Variants in ALK observed in about 807,000 individuals in gnomAD.
ALK encodes the protein ALK receptor tyrosine kinase.
In ALK, 74 loss-of-function variants were observed where a neutral mutation model predicts 163.1. That is an observed-to-expected ratio of 0.45 (90% confidence interval 0.38 to 0.55). The LOEUF (loss-of-function observed/expected upper bound fraction) is 0.55, where lower values mean the gene tolerates loss of function less well. Ranked by LOEUF, ALK falls within the 20% of genes least tolerant of loss-of-function variation. The pLI, the probability that ALK is intolerant of heterozygous loss-of-function variation, is 0.00. For missense variants in ALK, 2,063 were observed against 2,105.3 expected (o/e 0.98, Z 0.39); for synonymous variants, 960 against 843.2 (o/e 1.14, Z -2.40).
At chr2:29,866,866 G>A (rs111366017) in intron 1 of ALK, among the ~76,000 whole-genome samples, 19 of 152,140 alleles carry the variant, frequency 1.2e-4, no homozygotes, top group Admixed American at 9.2e-4. Flanking sequence ...TGGGCCTCTC[G>A]GTTCCCTCCC....
chr2:29,310,483 G>A (rs1041908494), intron 8 of ALK, among the ~76,000 whole-genome samples: 1 of 152,176 alleles, frequency 6.6e-6, no homozygotes, highest in African/African-American at 2.4e-5. Context: ...GGTGTTCGAA[G>A]GCCCTCATTA....
At chr2:29,331,250 CT>C (rs1347394617) in intron 5 of ALK, among the ~76,000 whole-genome samples, 2 of 152,212 alleles carry the variant, frequency 1.3e-5, no homozygotes, top group African/African-American at 4.8e-5. Flanking sequence ...CCCCAGATAA[CT>C]TATAGATTCT....
intron 24 of ALK, 21 bp downstream of exon 24, chr2:29,213,963 A>G: frequency 6.3e-7 from 1 of 1,596,474 alleles, no homozygotes. Flanking sequence ...TGACAGGAAG[A>G]GCACAGTCAC....
At chr2:29,656,326 C>A (rs1573532338) in intron 3 of ALK, among the ~76,000 whole-genome samples, 5 of 152,084 alleles carry the variant, frequency 3.3e-5, no homozygotes, top group Admixed American at 3.3e-4. Context: ...CTCTAATATT[C>A]TATGAATAAT....
At chr2:29,554,118 C>A (rs187245547) in intron 3 of ALK, among the ~76,000 whole-genome samples, 1 of 152,246 alleles carries the variant, frequency 6.6e-6, no homozygotes, top group Admixed American at 6.5e-5. Context: ...TCTGTAATAG[C>A]TTTCCATAGT....
At chr2:29,717,436 A>C in intron 2 of ALK, 142 bp downstream of exon 2, 1 of 987,240 alleles carries the variant, frequency 1.0e-6, no homozygotes, top group Non-Finnish European at 1.6e-6. Context: ...ACTGGGAGAC[A>C]GAGGGCTCAG....
intron 3 of ALK, among the ~76,000 whole-genome samples, chr2:29,562,539 C>T (rs934560560): frequency 1.3e-5 from 2 of 152,168 alleles, no homozygotes; most frequent in African/African-American, 4.8e-5. Context: ...AGGACAATTA[C>T]ATTCCTTGAT....
At chr2:29,692,266 C>T (rs1374038211) in intron 3 of ALK, among the ~76,000 whole-genome samples, 1 of 152,136 alleles carries the variant, frequency 6.6e-6, no homozygotes, top group Non-Finnish European at 1.5e-5. Flanking sequence ...CAATATATTA[C>T]TAGAGGGAGT....
chr2:29,362,459 G>T (rs529303272), intron 5 of ALK, among the ~76,000 whole-genome samples: 3 of 152,206 alleles, frequency 2.0e-5, no homozygotes, highest in Non-Finnish European at 4.4e-5. Flanking sequence ...GTGACAAGGT[G>T]TGGAAAGACC....
In ALK at chr2:29,831,192, G is replaced by A. The variant is rs1177279378; in HGVS notation, c.667+88801C>T. On this transcript the variant is annotated intron_variant, in intron 1 of 28. Transcript: ENST00000389048. ...GAGGAAGAGGAAGGGGAAGGGGAAG[G>A]GGAAGGGGAAGGGGAAGAGGAAGAG... 6.6e-5 allele frequency among the ~76,000 whole-genome samples: 4 copies of A among 60,850 alleles called. 1 individual carries two copies. The highest frequency in any genetic ancestry group is 1.3e-4 in the Non-Finnish European group (4 of 31,660). 39.9% of individuals were successfully genotyped at this position (60,850 alleles called of 152,430 possible). A position where few individuals can be genotyped will look rare whatever the true frequency, so the allele number is the denominator to read the frequency against.
chr2:29,802,998 G>C (rs891439252), intron 1 of ALK, among the ~76,000 whole-genome samples: 1 of 152,076 alleles, frequency 6.6e-6, no homozygotes, highest in Non-Finnish European at 1.5e-5. Flanking sequence ...AAAAATAACA[G>C]AACTTTTAAA....
chr2:29,222,962 G>T (rs918735109), intron 20 of ALK, among the ~76,000 whole-genome samples: 1 of 152,198 alleles, frequency 6.6e-6, no homozygotes, highest in Non-Finnish European at 1.5e-5. Context: ...ACAGATCACT[G>T]TGGGTACTGG....
chr2:29,769,523 T>A (rs915173577), intron 1 of ALK, among the ~76,000 whole-genome samples: 1 of 152,094 alleles, frequency 6.6e-6, no homozygotes, highest in Non-Finnish European at 1.5e-5. Flanking sequence ...TGCACCAGTA[T>A]CTGAGCCTCA....
chr2:29,375,866 G>A (rs959670742), intron 5 of ALK, among the ~76,000 whole-genome samples: 1 of 152,152 alleles, frequency 6.6e-6, no homozygotes, highest in Non-Finnish European at 1.5e-5. Context: ...ACTGACAGAG[G>A]AGGAGCACTG....
At chr2:29,781,921 G>C (rs778630972) in intron 1 of ALK, among the ~76,000 whole-genome samples, 1 of 152,138 alleles carries the variant, frequency 6.6e-6, no homozygotes, top group South Asian at 2.1e-4. Flanking sequence ...CACAGTGGTC[G>C]CCCCGACAGC....
chr2:29,715,114 A>C (rs571810299), intron 2 of ALK, among the ~76,000 whole-genome samples: 12 of 152,320 alleles, frequency 7.9e-5, no homozygotes, highest in Middle Eastern at 3.4e-3. Context: ...AGGGCCAAGC[A>C]CCCAGAGATG....
chr2:29,920,773 G>A lies in ALK; in HGVS notation c.-114C>T. On this transcript the variant is annotated 5_prime_UTR_variant, in exon 1 of 29. Coordinates refer to ENST00000389048, the MANE Select transcript of ALK (RefSeq NM_004304.5). ...TGGTACCCAGCGGCTCCTTCCACCT[G>A]ATCTCCAGAGGACTGTGCGTGCGCG... 2.1e-6 allele frequency: 2 copies of A among 932,538 alleles called. No individual in the cohort carries two copies. Among genetic ancestry groups the A allele is most frequent in the African/African-American group, 1.6e-5 (1 of 60,960 alleles). The allele number at this position is 932,538 out of a possible 1,614,324, so 57.8% of individuals were successfully genotyped here. A position where few individuals can be genotyped will look rare whatever the true frequency, so the allele number is the denominator to read the frequency against.
intron 5 of ALK, among the ~76,000 whole-genome samples, chr2:29,362,998 G>A (rs1222001526): frequency 2.0e-5 from 3 of 152,202 alleles, no homozygotes; most frequent in Non-Finnish European, 4.4e-5. Flanking sequence ...GTGGAAGGAA[G>A]GGGAAGATGT....
chr2:29,315,788 G>T (rs79933895), intron 8 of ALK, among the ~76,000 whole-genome samples: 1 of 152,168 alleles, frequency 6.6e-6, no homozygotes, highest in Non-Finnish European at 1.5e-5. Flanking sequence ...GATGATTGTG[G>T]TGTCTTGAGA....
Sources: gnomAD v4.1 joint callset for allele counts (sites outside exome capture counted in the v4.1 genomes callset) on GRCh38, gnomAD v4.1.1 for gene constraint, MANE v1.5 for transcripts, NCBI Gene and HGNC (gene_info 2026-07-23, HGNC 2026-07-21) for gene names.